USP31: variants seen among roughly 807,000 people sequenced by gnomAD.
USP31 encodes the protein ubiquitin specific peptidase 31.
Under a neutral mutation model 119.4 loss-of-function variants are expected in USP31, and 44 were observed. That is an observed-to-expected ratio of 0.37 (90% CI 0.29 to 0.47). The LOEUF (loss-of-function observed/expected upper bound fraction) is 0.47, where lower values mean the gene tolerates loss of function less well. Ranked by LOEUF, USP31 falls within the 20% of genes least tolerant of loss-of-function variation. The pLI, the probability that USP31 is intolerant of heterozygous loss-of-function variation, is 0.99. For synonymous variants in USP31, 749 were observed against 705.6 expected (o/e 1.06, Z -0.97); for missense variants, 1,643 against 1,730.2 (o/e 0.95, Z 0.89).
chr16:23,084,931 T>C lies in USP31; in HGVS notation c.1759A>G (p.Arg587Gly). The change falls in exon 11 of 16, where the codon AGG becomes GGG. Residue 587 changes from arginine (R) to glycine (G), a missense_variant. Arg to Gly is a moderately radical substitution (Grantham distance 125). Coordinates refer to ENST00000219689, the MANE Select transcript of USP31 (RefSeq NM_020718.4). ...IPDAESVRLQRERHHQPQTCT... is the reference protein window; with the variant it reads ...IPDAESVRLQGERHHQPQTCT... The stretch of plus-strand genomic sequence containing the variant: ...GTTTGAGGCTGATGATGACGCTCCC[T>C]TTGCAGACGAACACTTTCTGCATCA... 1 of 1,614,070 alleles carries C rather than the reference T, an allele frequency of 6.2e-7. No individual in the cohort carries two copies. The highest frequency in any genetic ancestry group is 8.5e-7 in the Non-Finnish European group (1 of 1,180,016).
intron 6 of USP31, among the ~76,000 whole-genome samples, chr16:23,091,456 T>C (rs1901357852): frequency 6.6e-6 from 1 of 152,226 alleles, no homozygotes; most frequent in Admixed American, 6.5e-5. Flanking sequence ...AATGCCTGAC[T>C]ACCTGTTCAT....
At chr16:23,124,992 G>A (rs905473448) in intron 1 of USP31, among the ~76,000 whole-genome samples, 4 of 152,158 alleles carry the variant, frequency 2.6e-5, no homozygotes, top group Non-Finnish European at 5.9e-5. Context: ...GTGTAGAGGT[G>A]GAACGTACTT....
rs1282208592 is a variant in USP31 at position 23,068,119 on chromosome 16, G to C, written c.3986C>G (p.Ser1329Cys). ...TAACTTTTTTGAGGATTTCTCTGCA[G>C]ACTGCCTGCCACCCGGAGACGAGGG... ...GVPSSPGGRQSAEKSSKKLSS... is the reference protein window; with the variant it reads ...GVPSSPGGRQCAEKSSKKLSS... Residue 1329 changes from serine to cysteine, a missense_variant, in exon 16 of 16, where the codon TCT becomes TGT. Transcript: ENST00000219689. 1.2e-6 allele frequency: 2 copies of C among 1,614,238 alleles called. No homozygotes were observed. The highest frequency in any genetic ancestry group is 2.2e-5 in the South Asian group (2 of 91,082).
chr16:23,062,732 G>C lies in USP31; in HGVS notation c.*5314C>G, dbSNP rs577932692. The C allele has an allele frequency of 1.6e-4, 24 of 152,738 alleles. No homozygotes were observed. The highest frequency in any genetic ancestry group is 5.5e-4 in the African/African-American group (23 of 41,592). 9.5% of individuals were successfully genotyped at this position (152,738 alleles called of 1,614,324 possible). ...CAACTAAGACCACCAATTTCCACCA[G>C]ACTGGCGAGTGCTAGGCCATTCACA... On this transcript the variant is annotated 3_prime_UTR_variant, in exon 16 of 16. Transcript: ENST00000219689.
chr16:23,144,603 C>A (rs926441081), intron 1 of USP31, among the ~76,000 whole-genome samples: 1 of 152,072 alleles, frequency 6.6e-6, no homozygotes, highest in Admixed American at 6.5e-5. Context: ...CCTCAGCCTC[C>A]CGAGTAGCTG....
intron 12 of USP31, 94 bp from the exon 13 acceptor site, chr16:23,080,265 C>A: frequency 9.3e-7 from 1 of 1,077,376 alleles, no homozygotes; most frequent in Non-Finnish European, 1.3e-6. Context: ...TCAGACAAAG[C>A]GGTGTGAGTT....
intron 15 of USP31, among the ~76,000 whole-genome samples, chr16:23,071,172 C>G (rs1219573838): frequency 6.6e-6 from 1 of 152,156 alleles, no homozygotes; most frequent in Admixed American, 6.5e-5. Context: ...GGTGGCAGAG[C>G]TAGAGCTATG....
At position 23,073,709 on chromosome 16, in the gene USP31, G is replaced by A. The variant is rs750866922; in HGVS notation, c.2335+13C>T. 1.1e-5 allele frequency: 18 copies of A among 1,609,308 alleles called. No individual in the cohort carries two copies. Among genetic ancestry groups the A allele is most frequent in the East Asian group, 6.7e-5 (3 of 44,826 alleles). On this transcript the variant is annotated intron_variant, in intron 14 of 15. Transcript: ENST00000219689. ...TCTGGAAAAAACTGCCCAAGAACAA[G>A]AGTGGACCTCACCTGCCACCGAGCT... is the stretch of plus-strand genomic sequence containing the variant.
intron 4 of USP31, 59 bp from the exon 5 acceptor site, chr16:23,105,635 G>T (rs1436928674): frequency 8.2e-6 from 12 of 1,462,282 alleles, no homozygotes; most frequent in Middle Eastern, 2.4e-4. Context: ...AAATATAGAA[G>T]ATGCAAAATA....
At chr16:23,117,010 T>A (rs931514528) in intron 1 of USP31, among the ~76,000 whole-genome samples, 1 of 152,252 alleles carries the variant, frequency 6.6e-6, no homozygotes, top group African/African-American at 2.4e-5. Flanking sequence ...TTTCTAATTA[T>A]TTGTGTTATA....
At chr16:23,070,556 A>C (rs898968443) in intron 15 of USP31, among the ~76,000 whole-genome samples, 3 of 152,094 alleles carry the variant, frequency 2.0e-5, no homozygotes, top group Non-Finnish European at 4.4e-5. Flanking sequence ...TACTAAAAAT[A>C]CAAAAAAATT....
chr16:23,130,597 A>G (rs1039814810), intron 1 of USP31, among the ~76,000 whole-genome samples: 18 of 152,146 alleles, frequency 1.2e-4, no homozygotes, highest in Admixed American at 1.2e-3. Context: ...TTTCTCTCAA[A>G]GCAATCCCCT....
intron 11 of USP31, among the ~76,000 whole-genome samples, chr16:23,082,896 T>C (rs1900900984): frequency 6.9e-6 from 1 of 145,898 alleles, no homozygotes; most frequent in African/African-American, 2.5e-5. Flanking sequence ...AGTGGTGTGA[T>C]CTCGGCTCAC....
Position 23,102,427 on chromosome 16 carries a change from G to A in USP31, c.1126C>T (p.Arg376Cys), listed in dbSNP as rs146108628. 6.8e-6 allele frequency: 11 copies of A among 1,612,858 alleles called. No homozygotes were observed. Among genetic ancestry groups the A allele is most frequent in the African/African-American group, 1.3e-5 (1 of 74,862 alleles). Reference protein sequence around the residue: ...LTEMYYDGFHRSFCDTDDLET... With the variant: ...LTEMYYDGFHCSFCDTDDLET... ...AGGTCGTCTGTATCACAAAAGGAAC[G>A]ATGGAACCCATCATAGTACATTTCT... Residue 376 changes from arginine to cysteine, a missense_variant, in exon 6 of 16, where the codon CGT becomes TGT. By Grantham distance (180) the Arg-to-Cys change is radical. Transcript: ENST00000219689.
chr16:23,063,218 C>A lies in USP31; in HGVS notation c.*4828G>T, dbSNP rs1899923255. 6.6e-6 allele frequency: 1 copy of A among 152,180 alleles called. No individual in the cohort carries two copies. Among genetic ancestry groups the A allele is most frequent in the Admixed American group, 6.5e-5 (1 of 15,274 alleles). The allele number at this position is 152,180 out of a possible 1,614,324, so 9.4% of individuals were successfully genotyped here. A position where few individuals can be genotyped will look rare whatever the true frequency, so the allele number is the denominator to read the frequency against. Reference sequence around the variant, plus strand: ...AAAAGTCTCTCAAATTTGCTGTGCACCCCTTCTCCCAAAAATTGGGAAACA... The same window carrying A: ...AAAAGTCTCTCAAATTTGCTGTGCAACCCTTCTCCCAAAAATTGGGAAACA... On this transcript the variant is annotated 3_prime_UTR_variant, in exon 16 of 16. Coordinates refer to ENST00000219689, the MANE Select transcript of USP31 (RefSeq NM_020718.4).
Position 23,148,864 on chromosome 16 carries a change from G to A in USP31, c.407C>T (p.Thr136Met). ...CTGCAGCGTGGCGTTCATGAAGCAC[G>A]TGTTGCCGTGGTTGCGGAGCCCCGC... ...GVAGLRNHGNTCFMNATLQCL... is the reference protein window; with the variant it reads ...GVAGLRNHGNMCFMNATLQCL... Residue 136 changes from threonine (T) to methionine (M), a missense_variant, in exon 1 of 16, where the codon ACG (threonine) becomes ATG (methionine). This residue lies in a region of USP31 where 302 missense variants were observed against 262.6 expected (regional missense o/e 1.15). Coordinates refer to ENST00000219689, the MANE Select transcript of USP31 (RefSeq NM_020718.4). The A allele has an allele frequency of 6.7e-7, 1 of 1,499,618 alleles. No homozygotes were observed. 92.9% of individuals were successfully genotyped at this position (1,499,618 alleles called of 1,614,324 possible).
intron 1 of USP31, among the ~76,000 whole-genome samples, chr16:23,112,066 C>T (rs1046628856): frequency 2.0e-5 from 3 of 152,074 alleles, no homozygotes; most frequent in African/African-American, 7.2e-5. Flanking sequence ...GTGTCACTGA[C>T]ACAACTTACT....
chr16:23,114,010 C>A (rs983423294), intron 1 of USP31, among the ~76,000 whole-genome samples: 1 of 151,850 alleles, frequency 6.6e-6, no homozygotes, highest in African/African-American at 2.4e-5. Context: ...GCGACTGAGG[C>A]AGGAGAGTTG....
intron 6 of USP31, among the ~76,000 whole-genome samples, chr16:23,093,347 T>C (rs1901453959): frequency 6.6e-6 from 1 of 152,112 alleles, no homozygotes. Context: ...AACAAAAAGA[T>C]AATGCAATTT....
Sources: gnomAD v4.1 joint callset for allele counts (sites outside exome capture counted in the v4.1 genomes callset) on GRCh38, gnomAD v4.1.1 for gene constraint, gnomAD v4.1.1 regional missense constraint, MANE v1.5 for transcripts, NCBI Gene and HGNC (gene_info 2026-07-23, HGNC 2026-07-21) for gene names.